SYNM: variants seen among roughly 807,000 people sequenced by gnomAD.
SYNM encodes the protein synemin, also known as desmuslin.
A neutral mutation model predicts 104.0 loss-of-function variants in SYNM; 95 were observed. The ratio of observed to expected loss-of-function variants is 0.91; its 90% CI spans 0.77 to 1.08. The LOEUF is 1.08. SYNM is among the 50% of genes least tolerant of loss of function. The pLI, the probability that SYNM is intolerant of heterozygous loss-of-function variation, is 0.00. For synonymous variants in SYNM, 918 were observed against 869.0 expected, an observed-to-expected ratio of 1.06 and a Z score of -0.99; for missense variants, 2,150 against 2,052.2, an observed-to-expected ratio of 1.05 and a Z score of -0.92.
chr15:99,136,107 A>T (rs868967053), downstream of SYNM, among the ~76,000 whole-genome samples: 5 of 152,350 alleles, frequency 3.3e-5, no homozygotes, highest in South Asian at 1.0e-3. Flanking sequence ...ACCCGTTTGT[A>T]ACCTTGTAGC....
chr15:99,133,435 A>G lies in SYNM; in HGVS notation c.*377A>G, dbSNP rs1350723035. 1 of 189,546 alleles carries G rather than the reference A, an allele frequency of 5.3e-6. No homozygotes were observed. The highest frequency in any genetic ancestry group is 1.1e-5 in the Non-Finnish European group (1 of 90,356). 11.7% of individuals were successfully genotyped at this position (189,546 alleles called of 1,614,324 possible). A position where few individuals can be genotyped will look rare whatever the true frequency, so the allele number is the denominator to read the frequency against. On this transcript the variant is annotated 3_prime_UTR_variant, in exon 4 of 4. Coordinates refer to ENST00000336292, the MANE Select transcript of SYNM (RefSeq NM_145728.3). ...TTAACCAGATTAAAGTAATATATTT[A>G]AGAGTAAATTTTGCTTGCATGTGCT...
chr15:99,129,028 T>A, intron 3 of SYNM: 1 of 222,440 alleles, frequency 4.5e-6, no homozygotes, highest in South Asian at 9.6e-5. Flanking sequence ...AATATAAGAT[T>A]GTGAAATTTC....
chr15:99,110,257 G>A (rs2067289592), intron 1 of SYNM, among the ~76,000 whole-genome samples: 1 of 152,200 alleles, frequency 6.6e-6, no homozygotes, highest in African/African-American at 2.4e-5. Context: ...AACTGCGCTT[G>A]GCACACTAAA....
downstream of SYNM, chr15:99,137,036 A>T (rs1190167602): frequency 6.6e-6 from 1 of 152,324 alleles, no homozygotes; most frequent in Admixed American, 6.5e-5. Context: ...ACCAGCCTGC[A>T]GCCTCATGGC....
At chr15:99,111,158 T>C (rs782147896) in intron 1 of SYNM, among the ~76,000 whole-genome samples, 5 of 152,240 alleles carry the variant, frequency 3.3e-5, no homozygotes, top group Non-Finnish European at 7.3e-5. Context: ...AGTATCTTCC[T>C]GCACACCCCT....
intron 3 of SYNM, among the ~76,000 whole-genome samples, chr15:99,128,205 G>A (rs1381901696): frequency 6.6e-6 from 1 of 152,198 alleles, no homozygotes; most frequent in Non-Finnish European, 1.5e-5. Context: ...ATACAGATAA[G>A]TTCCTAAGTA....
rs1213655720 is a variant in SYNM at position 99,131,156 on chromosome 15, A to G, written c.2796A>G (p.Glu932=). Residue 932 remains glutamate (E), a synonymous_variant, in exon 4 of 4, where the codon GAA becomes GAG. Transcript: ENST00000336292. The surrounding 1 kb of genome is among the most constrained non-coding windows in gnomAD (Gnocchi z 4.3). ...AAAAAGAAATTAAAATACCCCACGA[A>G]TTCCACACCTCCATGAAGGGCATCT... ...VIEKEIKIPH[E]FHTSMKGISS... 2 of 1,603,568 alleles carry G rather than the reference A, an allele frequency of 1.2e-6. No individual in the cohort carries two copies. Among genetic ancestry groups the G allele is most frequent in the East Asian group, 2.2e-5 (1 of 44,568 alleles).
At position 99,129,912 on chromosome 15, in the gene SYNM, A is replaced by G; in HGVS notation, c.1552A>G (p.Thr518Ala). 1.2e-6 allele frequency: 2 copies of G among 1,612,712 alleles called. No individual in the cohort carries two copies. The highest frequency in any genetic ancestry group is 2.2e-5 in the South Asian group (2 of 90,896). ...QERNRPETIRTKPEEKMFDSK... is the reference protein window; with the variant it reads ...QERNRPETIRAKPEEKMFDSK... ...AAGAAACAGACCAGAAACCATCCGA[A>G]CAAAGCCAGAAGAGAAAATGTTCGA... Residue 518 changes from threonine to alanine, a missense_variant, in exon 4 of 4, where the codon ACA becomes GCA. Physicochemically the swap from Thr to Ala is moderately conservative, Grantham distance 58. Transcript: ENST00000336292.
Position 99,105,976 on chromosome 15 carries a change from C to G in SYNM, c.777C>G (p.Arg259=). 1.3e-6 allele frequency: 2 copies of G among 1,511,762 alleles called. No homozygotes were observed. The highest frequency in any genetic ancestry group is 1.8e-6 in the Non-Finnish European group (2 of 1,136,840). The allele number at this position is 1,511,762 out of a possible 1,614,324, so 93.6% of individuals were successfully genotyped here. The part of the protein sequence containing the change: ...ARLEDALLRM[R]EEYGIQAEER... ...TGGAGGACGCGCTGCTGCGGATGCG[C>G]GAGGAGTACGGGATACAGGCCGAGG... The change falls in exon 1 of 4, where the codon CGC becomes CGG. Residue 259 remains arginine (R), a synonymous_variant. Transcript: ENST00000336292.
At position 99,131,310 on chromosome 15, in the gene SYNM, G is replaced by A. The variant is rs369298488; in HGVS notation, c.2950G>A (p.Val984Met). 14 of 1,612,980 alleles carry A rather than the reference G, an allele frequency of 8.7e-6. No individual in the cohort carries two copies. The highest frequency in any genetic ancestry group is 3.3e-5 in the South Asian group (3 of 90,664). Residue 984 changes from valine (V) to methionine (M), a missense_variant, in exon 4 of 4, where the codon GTG becomes ATG. Transcript: ENST00000336292. The surrounding 1 kb of genome is among the most constrained non-coding windows in gnomAD (Gnocchi z 4.3). Reference protein sequence around the residue: ...EGQGGPGSVSVDVKKVQGAGG... With the variant: ...EGQGGPGSVSMDVKKVQGAGG... ...GCAGGGTGGGCCGGGGAGCGTTTCC[G>A]TGGATGTCAAGAAGGTCCAGGGTGC...
At chr15:99,125,339 C>T (rs1305617658) in intron 2 of SYNM, among the ~76,000 whole-genome samples, 1 of 152,212 alleles carries the variant, frequency 6.6e-6, no homozygotes, top group African/African-American at 2.4e-5. Context: ...AAGCTGTTTG[C>T]GTTCCTGGAA....
At chr15:99,123,267 G>A (rs2067417608) in intron 2 of SYNM, among the ~76,000 whole-genome samples, 1 of 148,850 alleles carries the variant, frequency 6.7e-6, no homozygotes. Context: ...CTTCCTCTCT[G>A]TTTTATGAGT....
intron 1 of SYNM, among the ~76,000 whole-genome samples, chr15:99,109,088 A>G (rs1555483168): frequency 6.6e-6 from 1 of 152,140 alleles, no homozygotes; most frequent in Non-Finnish European, 1.5e-5. Flanking sequence ...CTCTGGCTAT[A>G]GCTTCTGTGG....
At position 99,134,787 on chromosome 15, in the gene SYNM, C is replaced by A. The variant is rs1191086890; in HGVS notation, c.*1729C>A. 1.3e-5 allele frequency: 2 copies of A among 152,212 alleles called. No individual in the cohort carries two copies. Among genetic ancestry groups the A allele is most frequent in the Non-Finnish European group, 2.9e-5 (2 of 68,044 alleles). The allele number at this position is 152,212 out of a possible 1,614,324, so 9.4% of individuals were successfully genotyped here. ...CTTTCAAGATACTATTTTAAAAACA[C>A]CATGAATCAGATAGGGAAAGAAAGT... On this transcript the variant is annotated 3_prime_UTR_variant, in exon 4 of 4. Coordinates refer to ENST00000336292, the MANE Select transcript of SYNM (RefSeq NM_145728.3).
Position 99,131,624 on chromosome 15 carries a change from C to T in SYNM, c.3264C>T (p.His1088=). Residue 1088 remains histidine (H), a synonymous_variant, in exon 4 of 4, where the codon CAC becomes CAT. Coordinates refer to ENST00000336292, the MANE Select transcript of SYNM (RefSeq NM_145728.3). This position sits in a 1 kb window ranked among gnomAD's most constrained non-coding sequence, Gnocchi z 4.3. ...GESEVAGGAS[H]SSGQRTPQGP... is the part of the protein sequence containing the mutation. ...GCGAGGTTGCTGGTGGGGCCTCTCA[C>T]AGCTCGGGACAGCGCACTCCCCAGG... 1 of 1,610,480 alleles carries T rather than the reference C, an allele frequency of 6.2e-7. No individual in the cohort carries two copies. The highest frequency in any genetic ancestry group is 8.5e-7 in the Non-Finnish European group (1 of 1,179,518).
At position 99,105,130 on chromosome 15, in the gene SYNM, G is replaced by C; in HGVS notation, c.-70G>C. ...CGAGGCCGGAGCGTCGCGGCGGAGA[G>C]GACGAGACCGGGACAAGACCAGGGC... On this transcript the variant is annotated 5_prime_UTR_variant, in exon 1 of 4. Transcript: ENST00000336292. The C allele has an allele frequency of 1.3e-6, 2 of 1,503,228 alleles. No homozygotes were observed. Among genetic ancestry groups the C allele is most frequent in the Non-Finnish European group, 1.8e-6 (2 of 1,123,984 alleles). The allele number at this position is 1,503,228 out of a possible 1,614,324, so 93.1% of individuals were successfully genotyped here.
At chr15:99,123,055 T>C (rs1439419614) in intron 2 of SYNM, among the ~76,000 whole-genome samples, 5 of 152,224 alleles carry the variant, frequency 3.3e-5, no homozygotes, top group Non-Finnish European at 7.3e-5. Context: ...AGTGAGCTCT[T>C]ACTCTGTGAC....
chr15:99,115,545 A>C (rs2067340913), intron 2 of SYNM, among the ~76,000 whole-genome samples: 1 of 147,848 alleles, frequency 6.8e-6, no homozygotes, highest in South Asian at 2.1e-4. Context: ...GCTCACTGCA[A>C]CCTCCGCCTC....
downstream of SYNM, chr15:99,139,245 G>A (rs1567300573): frequency 8.3e-6 from 13 of 1,568,304 alleles, no homozygotes; most frequent in Middle Eastern, 3.3e-4. Context: ...GAACCTTCTA[G>A]AACCAGCTTT....
Sources: allele counts gnomAD v4.1 joint callset (sites outside exome capture counted in the v4.1 genomes callset), GRCh38; gene constraint gnomAD v4.1.1; non-coding constraint Gnocchi (gnomAD v3.1); transcripts MANE v1.5; gene names NCBI Gene and HGNC (gene_info 2026-07-23, HGNC 2026-07-21).